The following CFAP299 variants were observed in gnomAD, a reference collection of about 807,000 sequenced individuals.
CFAP299 encodes the protein cilia and flagella associated protein 299, also known as cilia- and flagella-associated protein 299.
Under a neutral mutation model 27.0 loss-of-function variants are expected in CFAP299, and 21 were observed. The observed-to-expected ratio is 0.78, with a 90% CI of 0.55 to 1.12. The LOEUF is 1.12. CFAP299 is among the 50% of genes most tolerant of loss of function. The pLI, the probability that CFAP299 is intolerant of heterozygous loss-of-function variation, is 0.00. For missense variants in CFAP299, 310 were observed against 276.6 expected (o/e 1.12, Z -0.86); for synonymous variants, 104 against 98.1 (o/e 1.06, Z -0.36).
intron 2 of CFAP299, among the ~76,000 whole-genome samples, chr4:80,470,004 A>G (rs1212992355): frequency 1.3e-5 from 2 of 152,140 alleles, no homozygotes; most frequent in Non-Finnish European, 2.9e-5. Flanking sequence ...AGAATACTAG[A>G]AAAGTCTCCA....
intron 3 of CFAP299, among the ~76,000 whole-genome samples, chr4:80,799,847 TA>T (rs1312750702): frequency 1.4e-4 from 4 of 28,084 alleles, no homozygotes; most frequent in Admixed American, 7.1e-4. Flanking sequence ...TTATATTATA[TA>T]ATATATAAAT....
intron 2 of CFAP299, among the ~76,000 whole-genome samples, chr4:80,571,260 C>T (rs945765780): frequency 6.6e-6 from 1 of 151,962 alleles, no homozygotes; most frequent in African/African-American, 2.4e-5. Flanking sequence ...AATATAAATT[C>T]ATATTCAAGA....
Position 80,747,727 on chromosome 4 carries a change from C to A in CFAP299, c.334-122266C>A, listed in dbSNP as rs570138758. ...CCTGATTTTCTTGGTATTTCTCAGG[C>A]TCTTTTGCCAAATGTTATGATATCT... On this transcript the variant is annotated intron_variant, in intron 3 of 5. Transcript: ENST00000358105. Among the ~76,000 whole-genome samples the A allele has an allele frequency of 2.0e-5, 3 of 152,084 alleles. No individual in the cohort carries two copies. The South Asian group carries it at 6.2e-4, about 32-fold the overall frequency.
chr4:80,932,231 T>G (rs1456837423), intron 4 of CFAP299, among the ~76,000 whole-genome samples: 1 of 152,170 alleles, frequency 6.6e-6, no homozygotes, highest in African/African-American at 2.4e-5. Context: ...GCCATAACTC[T>G]TAATTTTCTT....
intron 2 of CFAP299, among the ~76,000 whole-genome samples, chr4:80,421,903 A>G (rs866204981): frequency 3.9e-5 from 6 of 152,346 alleles, no homozygotes; most frequent in Middle Eastern, 3.4e-3. Context: ...ACTAAGTTCT[A>G]TAAGTAAATT....
chr4:80,483,596 T>C (rs182527717), intron 2 of CFAP299, among the ~76,000 whole-genome samples: 1 of 152,280 alleles, frequency 6.6e-6, no homozygotes, highest in Non-Finnish European at 1.5e-5. Flanking sequence ...AGGTCTATTT[T>C]TTTTAATCTG....
At chr4:80,625,667 A>G (rs1412277102) in intron 3 of CFAP299, among the ~76,000 whole-genome samples, 6 of 152,038 alleles carry the variant, frequency 3.9e-5, no homozygotes, top group Non-Finnish European at 8.8e-5. Flanking sequence ...AAGGACACAC[A>G]TAGACTTAAA....
chr4:80,610,827 G>C (rs186140363), intron 3 of CFAP299, among the ~76,000 whole-genome samples: 1 of 152,066 alleles, frequency 6.6e-6, no homozygotes, highest in East Asian at 1.9e-4. Context: ...TTAGTTGTAG[G>C]AGGGTTTCAT....
At chr4:80,950,433 T>C (rs1482233537) in intron 5 of CFAP299, among the ~76,000 whole-genome samples, 1 of 152,114 alleles carries the variant, frequency 6.6e-6, no homozygotes, top group Non-Finnish European at 1.5e-5. Context: ...CAGAAAAAGT[T>C]CTGTAAGAAT....
At chr4:80,435,391 G>C (rs1728017632) in intron 2 of CFAP299, among the ~76,000 whole-genome samples, 1 of 152,118 alleles carries the variant, frequency 6.6e-6, no homozygotes, top group African/African-American at 2.4e-5. Flanking sequence ...TAGATCTTTG[G>C]CTATAGTTAC....
At chr4:80,589,839 T>C (rs998972752) in intron 3 of CFAP299, among the ~76,000 whole-genome samples, 60 of 152,302 alleles carry the variant, frequency 3.9e-4, no homozygotes, top group African/African-American at 1.3e-3. Context: ...TGTTTGGTGA[T>C]GGCAGTAGAG....
intron 2 of CFAP299, among the ~76,000 whole-genome samples, chr4:80,569,939 G>T (rs886370486): frequency 6.6e-6 from 1 of 151,902 alleles, no homozygotes; most frequent in Non-Finnish European, 1.5e-5. Flanking sequence ...AGTGGAAGTT[G>T]ACAAATATAT....
At chr4:80,396,796 G>T (rs1017018757) in intron 2 of CFAP299, among the ~76,000 whole-genome samples, 3 of 152,148 alleles carry the variant, frequency 2.0e-5, no homozygotes, top group Admixed American at 6.5e-5. Context: ...TTTTACTGAG[G>T]ATTTTAGCAT....
chr4:80,888,469 T>C lies in CFAP299; in HGVS notation c.476+18334T>C, dbSNP rs77951854. Among the ~76,000 whole-genome samples, 81 of 152,114 alleles carry C rather than the reference T, an allele frequency of 5.3e-4. No homozygotes were observed. The East Asian group carries it at 9.6e-3, about 18-fold the overall frequency. ...ATATATGTGCACCCATCACCAGATATATAAAGCAAATATTATTAGAGGCAA... is the reference window on the plus strand; with the variant it reads ...ATATATGTGCACCCATCACCAGATACATAAAGCAAATATTATTAGAGGCAA... On this transcript the variant is annotated intron_variant, in intron 4 of 5. Transcript: ENST00000358105.
chr4:80,597,855 T>G (rs1301832171), intron 3 of CFAP299, among the ~76,000 whole-genome samples: 3 of 152,108 alleles, frequency 2.0e-5, no homozygotes, highest in Non-Finnish European at 4.4e-5. Context: ...CCTGGCTAAT[T>G]TTTGTATTTT....
At chr4:80,799,212 ATT>A (rs1260549155) in intron 3 of CFAP299, among the ~76,000 whole-genome samples, 8 of 111,938 alleles carry the variant, frequency 7.1e-5, no homozygotes, top group East Asian at 2.4e-4. Flanking sequence ...TTATATATAT[ATT>A]GTATAAATAT....
intron 4 of CFAP299, among the ~76,000 whole-genome samples, chr4:80,937,308 C>CTTTTTTTTTTTTTTTTTTTT (rs1736948672): frequency 1.1e-5 from 1 of 90,818 alleles, no homozygotes; most frequent in African/African-American, 5.1e-5. Flanking sequence ...CTTTTTTTTT[C>CTTTTTTTTTTTTTTTTTTTT]TTTCTTTTTT....
Position 80,943,522 on chromosome 4 carries a change from A to G in CFAP299, c.477-1288A>G, listed in dbSNP as rs1737303058. On this transcript the variant is annotated intron_variant, in intron 4 of 5. Coordinates refer to ENST00000358105, the MANE Select transcript of CFAP299 (RefSeq NM_152770.3). The stretch of plus-strand genomic sequence containing the variant: ...ATCATTAAAAATAAATATTACAAAC[A>G]TTTGAGAGGCACCCTGGTTTGTGTT... Among the ~76,000 whole-genome samples, 3 of 152,084 alleles carry G rather than the reference A, an allele frequency of 2.0e-5. No individual in the cohort carries two copies. In the South Asian group the frequency reaches 6.2e-4, roughly 32 times the overall value.
chr4:80,723,449 G>A (rs1326200171), intron 3 of CFAP299, among the ~76,000 whole-genome samples: 1 of 151,974 alleles, frequency 6.6e-6, no homozygotes, highest in Admixed American at 6.5e-5. Context: ...ATCACAAAAC[G>A]ATTATGCTGA....
Sources: gnomAD v4.1 joint callset for allele counts (sites outside exome capture counted in the v4.1 genomes callset) on GRCh38, gnomAD v4.1.1 for gene constraint, MANE v1.5 for transcripts, NCBI Gene and HGNC (gene_info 2026-07-23, HGNC 2026-07-21) for gene names.